The following TAF3 variants were observed in gnomAD, a reference collection of about 807,000 sequenced individuals.
The protein encoded by TAF3 is TATA-box binding protein associated factor 3, also known as transcription initiation factor TFIID subunit 3.
A neutral mutation model predicts 80.6 loss-of-function variants in TAF3; 7 were observed. The ratio of observed to expected loss-of-function variants is 0.09; its 90% CI spans 0.05 to 0.16. TAF3 has a LOEUF of 0.16. Among genes scored for constraint, TAF3 ranks in the 10% least tolerant of loss-of-function variants. The pLI is 1.00. For missense variants in TAF3, 921 were observed against 1,140.2 expected (o/e 0.81, Z 2.77); for synonymous variants, 444 against 446.1 (o/e 1.00, Z 0.06).
intron 4 of TAF3, among the ~76,000 whole-genome samples, chr10:7,994,073 A>C (rs1354456768): frequency 4.4e-5 from 5 of 112,922 alleles, no homozygotes; most frequent in Middle Eastern, 7.8e-3. Flanking sequence ...TCTCTCTCCC[A>C]CTTCCCCTCT....
At chr10:7,865,410 C>T (rs911304535) in intron 2 of TAF3, among the ~76,000 whole-genome samples, 4 of 152,016 alleles carry the variant, frequency 2.6e-5, no homozygotes, top group Admixed American at 6.6e-5. Context: ...ACCCGGGAGG[C>T]GGAGCTTGCA....
At chr10:7,983,307 G>T (rs1436760562) in intron 4 of TAF3, among the ~76,000 whole-genome samples, 1 of 152,208 alleles carries the variant, frequency 6.6e-6, no homozygotes, top group Non-Finnish European at 1.5e-5. Flanking sequence ...GGAAAGGAGG[G>T]CTCACACCAG....
At chr10:7,891,224 A>G (rs1837454712) in intron 2 of TAF3, among the ~76,000 whole-genome samples, 1 of 152,206 alleles carries the variant, frequency 6.6e-6, no homozygotes, top group South Asian at 2.1e-4. Context: ...CCATTTTGAT[A>G]TAAAGGAGTA....
chr10:7,923,486 T>G (rs1206672229), intron 2 of TAF3, among the ~76,000 whole-genome samples: 1 of 152,040 alleles, frequency 6.6e-6, no homozygotes, highest in African/African-American at 2.4e-5. Context: ...TTCCAGTATG[T>G]GCCATATCTT....
chr10:7,965,532 C>A lies in TAF3; in HGVS notation c.2022C>A (p.Val674=), dbSNP rs1294917518. The change falls in exon 3 of 7, where the codon GTC becomes GTA. Residue 674 remains valine, a synonymous_variant. Coordinates refer to ENST00000344293, the MANE Select transcript of TAF3 (RefSeq NM_031923.4). ...TCAGCCCTGCCACAGCCTCCAGGGT[C>A]CCAGCCATGCTGCCATCTTTGTTGC... ...PLFSPATASR[V]PAMLPSLLPV... 6.2e-7 allele frequency: 1 copy of A among 1,602,590 alleles called. No homozygotes were observed. The highest frequency in any genetic ancestry group is 1.1e-5 in the South Asian group (1 of 87,644).
At chr10:7,908,315 T>G (rs1837624526) in intron 2 of TAF3, among the ~76,000 whole-genome samples, 1 of 152,176 alleles carries the variant, frequency 6.6e-6, no homozygotes, top group Admixed American at 6.5e-5. Context: ...AGGTGACTCT[T>G]CCCATGCAGG....
chr10:7,866,052 G>C (rs1423723391), intron 2 of TAF3, among the ~76,000 whole-genome samples: 1 of 152,186 alleles, frequency 6.6e-6, no homozygotes, highest in African/African-American at 2.4e-5. Flanking sequence ...ATATTTGAGA[G>C]TCATCTTAGT....
intron 4 of TAF3, among the ~76,000 whole-genome samples, chr10:7,979,779 A>G (rs1831708833): frequency 6.6e-6 from 1 of 151,748 alleles, no homozygotes; most frequent in Non-Finnish European, 1.5e-5. Context: ...AATTTTATGT[A>G]AAATAAAACT....
At position 8,009,778 on chromosome 10, in the gene TAF3, C is replaced by T. The variant is rs1832036409; in HGVS notation, c.2568+448C>T. Among the ~76,000 whole-genome samples, 1 of 152,102 alleles carries T rather than the reference C, an allele frequency of 6.6e-6. No homozygotes were observed. On this transcript the variant is annotated intron_variant, in intron 5 of 6. Transcript: ENST00000344293. The surrounding 1 kb of genome is among the most constrained non-coding windows in gnomAD (Gnocchi z 4.1). ...CTGGGATTACAGGCACGTGCCACCA[C>T]ACCTGGCCAATTTTTTGTATTTTTA...
intron 2 of TAF3, among the ~76,000 whole-genome samples, chr10:7,916,525 T>C (rs1226407855): frequency 6.6e-6 from 1 of 152,226 alleles, no homozygotes; most frequent in Non-Finnish European, 1.5e-5. Flanking sequence ...ACTTTGTTTA[T>C]AATAACTAAC....
In TAF3 at chr10:8,009,340, T is replaced by G; in HGVS notation, c.2568+10T>G. 1.9e-6 allele frequency: 3 copies of G among 1,588,722 alleles called. No individual in the cohort carries two copies. The highest frequency in any genetic ancestry group is 2.6e-6 in the Non-Finnish European group (3 of 1,167,876). ...GGTCAGCACCTACGTGGTGCGTACC[T>G]GCCGCCCGCGCGGTTAGCATGGAGA... On this transcript the variant is annotated intron_variant, in intron 5 of 6. Coordinates refer to ENST00000344293, the MANE Select transcript of TAF3 (RefSeq NM_031923.4). This position sits in a 1 kb window ranked among gnomAD's most constrained non-coding sequence, Gnocchi z 4.1.
At chr10:7,924,173 T>C (rs1837793619) in intron 2 of TAF3, among the ~76,000 whole-genome samples, 1 of 152,214 alleles carries the variant, frequency 6.6e-6, no homozygotes, top group African/African-American at 2.4e-5. Flanking sequence ...CTATTCTAAA[T>C]GTGGTGCCAG....
intron 2 of TAF3, among the ~76,000 whole-genome samples, chr10:7,899,461 C>T (rs1171312588): frequency 6.6e-6 from 1 of 152,212 alleles, no homozygotes; most frequent in Non-Finnish European, 1.5e-5. Flanking sequence ...AGTTTACTTA[C>T]ACATTTGCAT....
rs780814065 is a variant in TAF3, at chr10:7,959,160, ACAC to A, written c.410-4759_410-4757del. Reference sequence around the variant, plus strand: ...GTCTCACACACACACACACACACACACACAAAAAAAGTTTCAGGCTTTTTTTTC... The same window carrying A: ...GTCTCACACACACACACACACACACAAAAAAAAGTTTCAGGCTTTTTTTTC... On this transcript the variant is annotated intron_variant, in intron 2 of 6. Coordinates refer to ENST00000344293, the MANE Select transcript of TAF3 (RefSeq NM_031923.4). Among the ~76,000 whole-genome samples the A allele has an allele frequency of 5.0e-3, 692 of 138,060 alleles. 29 individuals are homozygous for A. The East Asian group carries it at 0.11, about 22-fold the overall frequency. 90.6% of individuals were successfully genotyped at this position (138,060 alleles called of 152,430 possible).
chr10:7,890,222 A>T (rs1027345713), intron 2 of TAF3, among the ~76,000 whole-genome samples: 2 of 152,190 alleles, frequency 1.3e-5, no homozygotes, highest in Non-Finnish European at 2.9e-5. Flanking sequence ...TGTGCTTGGA[A>T]GGACCATCTC....
At chr10:7,941,706 G>A (rs955898499) in intron 2 of TAF3, among the ~76,000 whole-genome samples, 2 of 152,126 alleles carry the variant, frequency 1.3e-5, no homozygotes, top group Non-Finnish European at 2.9e-5. Context: ...GTTCTCATGG[G>A]GTCAGTAAAT....
intron 2 of TAF3, among the ~76,000 whole-genome samples, chr10:7,844,013 A>T (rs1267327867): frequency 6.6e-6 from 1 of 152,154 alleles, no homozygotes; most frequent in Non-Finnish European, 1.5e-5. Context: ...AATGTTTTAA[A>T]ATCTTGAGAA....
At chr10:7,914,342 G>T (rs2131182159) in intron 2 of TAF3, among the ~76,000 whole-genome samples, 1 of 152,306 alleles carries the variant, frequency 6.6e-6, no homozygotes, top group South Asian at 2.1e-4. Context: ...AACCCCTTGG[G>T]GGAGATATTT....
chr10:7,878,818 T>A (rs1837334025), intron 2 of TAF3, among the ~76,000 whole-genome samples: 2 of 152,134 alleles, frequency 1.3e-5, no homozygotes, highest in African/African-American at 4.8e-5. Context: ...AACCTTTGCC[T>A]CTGGATTCAA....
Sources: allele counts gnomAD v4.1 joint callset (sites outside exome capture counted in the v4.1 genomes callset), GRCh38; gene constraint gnomAD v4.1.1; non-coding constraint Gnocchi (gnomAD v3.1); transcripts MANE v1.5; gene names NCBI Gene and HGNC (gene_info 2026-07-23, HGNC 2026-07-21).